The following ZC3H13 variants were observed in gnomAD, a reference collection of about 807,000 sequenced individuals.
The protein encoded by ZC3H13 is zinc finger CCCH-type containing 13, also known as zinc finger CCCH domain-containing protein 13.
A neutral mutation model predicts 204.1 loss-of-function variants in ZC3H13; 64 were observed. The observed-to-expected ratio is 0.31, with a 90% CI of 0.26 to 0.39. ZC3H13 has a LOEUF of 0.39. Among genes scored for constraint, ZC3H13 ranks in the 10% least tolerant of loss-of-function variants. ZC3H13 has a pLI of 1.00. For missense variants in ZC3H13, 1,833 were observed against 2,082.7 expected (o/e 0.88, Z 2.33); for synonymous variants, 667 against 693.7 (o/e 0.96, Z 0.60).
rs1271500143 is a variant in ZC3H13, at chr13:45,989,079, T to C, written c.963A>G (p.Gly321=). 2 of 1,613,636 alleles carry C rather than the reference T, an allele frequency of 1.2e-6. No homozygotes were observed. Among genetic ancestry groups the C allele is most frequent in the African/African-American group, 2.7e-5 (2 of 75,036 alleles). The change falls in exon 9 of 19, where the codon GGA becomes GGG. Residue 321 remains glycine (G), a synonymous_variant. Coordinates refer to ENST00000679008, the MANE Select transcript of ZC3H13 (RefSeq NM_001330564.2). ...TAGAAGATATAGGAGAATGATGCTG[T>C]CCTGCTGGGGAAGTAGACCTACAAG... ...RDKPRSTSPA[G]QHHSPISSRH...
At chr13:46,013,191 G>A (rs1322823718) in intron 5 of ZC3H13, among the ~76,000 whole-genome samples, 3 of 152,048 alleles carry the variant, frequency 2.0e-5, no homozygotes, top group Non-Finnish European at 4.4e-5. Flanking sequence ...CGAGGAGGGC[G>A]GATCATCAGG....
rs1314014155 is a variant in ZC3H13, at chr13:46,052,433, G to A, written c.-39C>T. Reference sequence around the variant, plus strand: ...TCCCCAAGCTCCCTTCGCAAGTGCAGTCCGGAGGCACCACCGCCGCCGCCG... The same window carrying A: ...TCCCCAAGCTCCCTTCGCAAGTGCAATCCGGAGGCACCACCGCCGCCGCCG... On this transcript the variant is annotated 5_prime_UTR_variant, in exon 1 of 19. Transcript: ENST00000679008. 5 of 398,040 alleles carry A rather than the reference G, an allele frequency of 1.3e-5. No homozygotes were observed. Among genetic ancestry groups the A allele is most frequent in the African/African-American group, 2.1e-5 (1 of 48,700 alleles). The allele number at this position is 398,040 out of a possible 1,614,324, so 24.7% of individuals were successfully genotyped here.
At chr13:46,044,000 C>T (rs1019459490) in intron 3 of ZC3H13, among the ~76,000 whole-genome samples, 6 of 151,736 alleles carry the variant, frequency 4.0e-5, no homozygotes, top group African/African-American at 7.3e-5. Flanking sequence ...CCCACATTAA[C>T]GGAAGTGACA....
chr13:46,009,608 A>T (rs1410703204), intron 7 of ZC3H13, among the ~76,000 whole-genome samples: 9 of 151,806 alleles, frequency 5.9e-5, no homozygotes, highest in Admixed American at 3.3e-4. Context: ...TTTTTAGTTC[A>T]TTTTTTTTAA....
rs1954113656 is a variant in ZC3H13, at chr13:45,985,638, T to C, written c.1379A>G (p.Asp460Gly). Residue 460 changes from aspartate to glycine, a missense_variant, in exon 10 of 19, where the codon GAT becomes GGT. Coordinates refer to ENST00000679008, the MANE Select transcript of ZC3H13 (RefSeq NM_001330564.2). ...REPRDGRDRR[D>G]ARDTRDRREL... ...CCTTCGGTCCCTAGTATCTCTGGCA[T>C]CTCTCCGATCCCGACCATCTCGAGG... 1 of 1,613,940 alleles carries C rather than the reference T, an allele frequency of 6.2e-7. No individual in the cohort carries two copies. The highest frequency in any genetic ancestry group is 8.5e-7 in the Non-Finnish European group (1 of 1,180,002).
rs535886130 is a variant in ZC3H13 at position 46,051,288 on chromosome 13, G to A, written c.-10+1116C>T. Among the ~76,000 whole-genome samples the A allele has an allele frequency of 2.0e-4, 30 of 152,198 alleles. No homozygotes were observed. The East Asian group carries it at 5.0e-3, about 25-fold the overall frequency. On this transcript the variant is annotated intron_variant, in intron 1 of 18. Coordinates refer to ENST00000679008, the MANE Select transcript of ZC3H13 (RefSeq NM_001330564.2). ...CCAGTAATCAGGAAGCCAGTAAGAG[G>A]CATACATTTGATAAAACTGAATCCT...
intron 4 of ZC3H13, among the ~76,000 whole-genome samples, chr13:46,034,371 A>G (rs1251860491): frequency 6.6e-6 from 1 of 152,238 alleles, no homozygotes; most frequent in Non-Finnish European, 1.5e-5. Flanking sequence ...GGTGAAAACT[A>G]GAAACAACTC....
chr13:46,007,253 A>G lies in ZC3H13; in HGVS notation c.746+3095T>C, dbSNP rs544009728. The stretch of plus-strand genomic sequence containing the variant: ...AAGTGACCAAGACCTGGCCAAAGGA[A>G]CGTGAGTGGAAATGATGTATACCAC... On this transcript the variant is annotated intron_variant, in intron 7 of 18. Coordinates refer to ENST00000679008, the MANE Select transcript of ZC3H13 (RefSeq NM_001330564.2). Among the ~76,000 whole-genome samples, 178 of 152,312 alleles carry G rather than the reference A, an allele frequency of 1.2e-3. 2 individuals are homozygous for G. The highest frequency in any genetic ancestry group is 1.8e-3 in the Admixed American group (28 of 15,296).
intron 3 of ZC3H13, among the ~76,000 whole-genome samples, chr13:46,043,833 A>C (rs1307856789): frequency 2.0e-5 from 3 of 152,022 alleles, no homozygotes; most frequent in African/African-American, 7.2e-5. Flanking sequence ...TTGAATAAAA[A>C]TTCTGAGTCA....
At chr13:46,004,061 A>C (rs529632800) in intron 7 of ZC3H13, among the ~76,000 whole-genome samples, 7 of 152,356 alleles carry the variant, frequency 4.6e-5, no homozygotes, top group African/African-American at 1.7e-4. Context: ...AAGGCAACTT[A>C]TAGAATGCGA....
chr13:46,027,616 G>A (rs1423392978), intron 4 of ZC3H13, among the ~76,000 whole-genome samples: 1 of 152,130 alleles, frequency 6.6e-6, no homozygotes, highest in East Asian at 1.9e-4. Context: ...TTTTGCAGGG[G>A]AATTTTACCA....
chr13:45,995,954 TATTTTTTCATTTGACC>T (rs1216661289), intron 8 of ZC3H13, among the ~76,000 whole-genome samples: 1 of 152,252 alleles, frequency 6.6e-6, no homozygotes, highest in Non-Finnish European at 1.5e-5. Context: ...CTCTGAGTAC[TATTTTTTCATTTGACC>T]ACAAAGTCCT....
In ZC3H13 at chr13:46,006,121, C is replaced by T. The variant is rs1363609504; in HGVS notation, c.747-2785G>A. On this transcript the variant is annotated intron_variant, in intron 7 of 18. Coordinates refer to ENST00000679008, the MANE Select transcript of ZC3H13 (RefSeq NM_001330564.2). ...AAAAAGTTGTTCAACCTGGCACCAA[C>T]CAGATCGATAAACTGGCTCATCTGA... Among the ~76,000 whole-genome samples, 16 of 150,900 alleles carry T rather than the reference C, an allele frequency of 1.1e-4. No homozygotes were observed. The East Asian group carries it at 2.9e-3, about 28-fold the overall frequency.
Position 45,959,602 on chromosome 13 carries a change from C to G in ZC3H13, c.4720G>C (p.Ala1574Pro). 6.5e-7 allele frequency: 1 copy of G among 1,545,898 alleles called. No individual in the cohort carries two copies. The highest frequency in any genetic ancestry group is 8.7e-7 in the Non-Finnish European group (1 of 1,145,076). ...FEHELGALNM[A>P]ALLRKEERAS... ...CTTTCTTCTTTTCGTAGTAATGCAG[C>G]CATATTGAGAGCCCCCAATTCATGT... is the stretch of plus-strand genomic sequence containing the variant. The change falls in exon 18 of 19, where the codon GCT (alanine) becomes CCT (proline). Residue 1574 changes from alanine (A) to proline (P), a missense_variant. Coordinates refer to ENST00000679008, the MANE Select transcript of ZC3H13 (RefSeq NM_001330564.2).
intron 4 of ZC3H13, among the ~76,000 whole-genome samples, chr13:46,036,785 C>A (rs1352821406): frequency 6.6e-6 from 1 of 152,146 alleles, no homozygotes; most frequent in East Asian, 1.9e-4. Context: ...CTAGCATGAT[C>A]TCAGCTCACT....
At chr13:45,996,318 A>G (rs1248806352) in intron 8 of ZC3H13, among the ~76,000 whole-genome samples, 3 of 152,180 alleles carry the variant, frequency 2.0e-5, no homozygotes, top group African/African-American at 7.2e-5. Context: ...CCCTTCAAAA[A>G]TTATCTTTCT....
At chr13:46,002,927 A>T (rs1475126366) in intron 8 of ZC3H13, among the ~76,000 whole-genome samples, 1 of 152,162 alleles carries the variant, frequency 6.6e-6, no homozygotes, top group Non-Finnish European at 1.5e-5. Flanking sequence ...TTACCACAAT[A>T]AAAAATTGAA....
intron 4 of ZC3H13, among the ~76,000 whole-genome samples, chr13:46,032,720 A>G (rs979711982): frequency 6.6e-6 from 1 of 152,170 alleles, no homozygotes; most frequent in African/African-American, 2.4e-5. Context: ...CTCTGCTTTT[A>G]GTGGCAAGAC....
At chr13:45,967,480 A>G in intron 15 of ZC3H13, 24 bp downstream of exon 15, 1 of 1,511,026 alleles carries the variant, frequency 6.6e-7, no homozygotes, top group East Asian at 2.3e-5. Context: ...AAGCAGTATC[A>G]CAGACAACAG....
Sources: allele counts gnomAD v4.1 joint callset (sites outside exome capture counted in the v4.1 genomes callset), GRCh38; gene constraint gnomAD v4.1.1; transcripts MANE v1.5; gene names NCBI Gene and HGNC (gene_info 2026-07-23, HGNC 2026-07-21).